The following ARV1 variants were observed in gnomAD, a reference collection of about 807,000 sequenced individuals.
The protein encoded by ARV1 is ARV1 fatty acid homeostasis modulator.
Under a neutral mutation model 31.1 loss-of-function variants are expected in ARV1, and 26 were observed. The ratio of observed to expected loss-of-function variants is 0.84; its 90% confidence interval spans 0.61 to 1.16. ARV1 has a LOEUF of 1.16. Ranked by LOEUF, ARV1 falls within the 50% of genes most tolerant of loss-of-function variation. The pLI is 0.00. For synonymous variants in ARV1, 117 were observed against 123.2 expected (o/e 0.95, Z 0.34); for missense variants, 281 against 324.9 (o/e 0.86, Z 1.04).
At chr1:230,984,343 C>CGTGTGTGT (rs374689782) in intron 1 of ARV1, among the ~76,000 whole-genome samples, 15,494 of 118,630 alleles carry the variant, frequency 0.13, 1,137 homozygotes, top group Non-Finnish European at 0.17. Flanking sequence ...TTGTTTGTTT[C>CGTGTGTGT]GTGTGTGTGT....
Position 230,988,358 on chromosome 1 carries a change from T to C in ARV1, c.213T>C (p.Tyr71=). 6.3e-7 allele frequency: 1 copy of C among 1,595,958 alleles called. No homozygotes were observed. The highest frequency in any genetic ancestry group is 8.6e-7 in the Non-Finnish European group (1 of 1,165,502). Residue 71 remains tyrosine (Y), a synonymous_variant, in exon 2 of 6, where the codon TAT becomes TAC. Coordinates refer to ENST00000310256, the MANE Select transcript of ARV1 (RefSeq NM_022786.3). ...CQKPVDKYIE[Y]DPVIILINAI... is the part of the protein sequence containing the mutation. The stretch of plus-strand genomic sequence containing the variant: ...AACCTGTAGACAAATATATCGAGTA[T>C]GATCCTGTTATCATCTTGATTAATG...
intron 1 of ARV1, among the ~76,000 whole-genome samples, chr1:230,984,359 T>TGTGTGTGTGTGTGCGCGC (rs71179756): frequency 4.9e-4 from 46 of 93,450 alleles, no homozygotes; most frequent in African/African-American, 1.9e-3. Context: ...TGTGTGTGTG[T>TGTGTGTGTGTGTGCGCGC]GTGCGTGTGT....
chr1:230,992,633 A>G (rs1379336620), intron 3 of ARV1, among the ~76,000 whole-genome samples: 1 of 152,238 alleles, frequency 6.6e-6, no homozygotes, highest in Non-Finnish European at 1.5e-5. Context: ...TGCTCAGCTG[A>G]TTGAATGAAT....
chr1:230,984,359 T>TGTGTGTGTGCGCGC (rs71179756), intron 1 of ARV1, among the ~76,000 whole-genome samples: 15 of 93,450 alleles, frequency 1.6e-4, no homozygotes, highest in African/African-American at 6.9e-4. Flanking sequence ...TGTGTGTGTG[T>TGTGTGTGTGCGCGC]GTGCGTGTGT....
rs535587438 is a variant in ARV1 at position 230,979,145 on chromosome 1, G to A, written c.40G>A (p.Gly14Arg). The change falls in exon 1 of 6, where the codon GGG becomes AGG. Residue 14 changes from glycine to arginine, a missense_variant. By Grantham distance (125) the Gly-to-Arg change is moderately radical (BLOSUM62 -2). Coordinates refer to ENST00000310256, the MANE Select transcript of ARV1 (RefSeq NM_022786.3). ...GCGGAGCGGCCTGCAGCAGGGGAAG[G>A]GGAACGTGGATGGGGTGGCAGCGAC... ...GGRSGLQQGK[G>R]NVDGVAATPT... 7 of 1,611,850 alleles carry A rather than the reference G, an allele frequency of 4.3e-6. No individual in the cohort carries two copies. The South Asian group carries it at 4.4e-5, about 10-fold the overall frequency.
chr1:230,995,904 T>C lies in ARV1; in HGVS notation c.593T>C (p.Ile198Thr). Residue 198 changes from isoleucine to threonine, a missense_variant, in exon 4 of 6, where the codon ATT becomes ACT. Transcript: ENST00000310256. ...YGKLLLIPAV[I>T]WEHDYTSVCL... ...AAACTCTTGCTGATTCCAGCTGTCA[T>C]TTGGGAACATGACTACACATCTGTG... 2 of 1,614,186 alleles carry C rather than the reference T, an allele frequency of 1.2e-6. No homozygotes were observed. The highest frequency in any genetic ancestry group is 1.7e-6 in the Non-Finnish European group (2 of 1,180,030).
chr1:230,991,850 G>A (rs1340943751), intron 3 of ARV1, among the ~76,000 whole-genome samples: 1 of 151,856 alleles, frequency 6.6e-6, no homozygotes, highest in Non-Finnish European at 1.5e-5. Context: ...GGCTGGTCTC[G>A]AACTTCTGAC....
At chr1:230,984,239 A>G (rs556757520) in intron 1 of ARV1, among the ~76,000 whole-genome samples, 1 of 152,322 alleles carries the variant, frequency 6.6e-6, no homozygotes, top group South Asian at 2.1e-4. Flanking sequence ...CGACAGAGTG[A>G]GACCTTGTCT....
intron 1 of ARV1, among the ~76,000 whole-genome samples, chr1:230,983,725 A>G (rs990310224): frequency 1.3e-5 from 2 of 152,202 alleles, no homozygotes; most frequent in African/African-American, 2.4e-5. Context: ...TTTATATTCT[A>G]AAAGAGATCT....
rs878997376 is a variant in ARV1, at chr1:231,000,616, C to G, written c.*483C>G. On this transcript the variant is annotated 3_prime_UTR_variant, in exon 6 of 6. Transcript: ENST00000310256. ...ACCAAGTTTTTGTAAATTTTCAATT[C>G]AATAATTAAGGTAATCTTTAAAATT... 5 of 152,046 alleles carry G rather than the reference C, an allele frequency of 3.3e-5. No homozygotes were observed. In the East Asian group the frequency reaches 9.6e-4, roughly 29 times the overall value. The allele number at this position is 152,046 out of a possible 1,614,324, so 9.4% of individuals were successfully genotyped here.
In ARV1 at chr1:230,979,462, G is replaced by GGGGCATATTT. The variant is rs2103036729; in HGVS notation, c.174+187_174+196dup. The GGGGCATATTT allele has an allele frequency of 7.3e-6, 5 of 684,112 alleles. No individual in the cohort carries two copies. The South Asian group carries it at 1.1e-4, about 15-fold the overall frequency. 42.4% of individuals were successfully genotyped at this position (684,112 alleles called of 1,614,324 possible). On this transcript the variant is annotated intron_variant, in intron 1 of 5. Coordinates refer to ENST00000310256, the MANE Select transcript of ARV1 (RefSeq NM_022786.3). The stretch of plus-strand genomic sequence containing the variant: ...TACCCGACAGCGCTTTTCTCATACT[G>GGGGCATATTT]GGGCATATTTGGGTGATATGACCTA...
Position 230,999,383 on chromosome 1 carries a change from G to C in ARV1, c.*5-755G>C, listed in dbSNP as rs564169765. On this transcript the variant is annotated intron_variant, in intron 5 of 5. Coordinates refer to ENST00000310256, the MANE Select transcript of ARV1 (RefSeq NM_022786.3). ...AAACCAGCCTGCAACCCATACTGCT[G>C]CCATGTAAGTCTTCATGGAGCACCA... Among the ~76,000 whole-genome samples, 10 of 152,320 alleles carry C rather than the reference G, an allele frequency of 6.6e-5. No homozygotes were observed. The South Asian group carries it at 2.1e-3, about 32-fold the overall frequency.
intron 3 of ARV1, among the ~76,000 whole-genome samples, chr1:230,991,870 C>T (rs1391762981): frequency 6.6e-6 from 1 of 152,062 alleles, no homozygotes; most frequent in African/African-American, 2.4e-5. Flanking sequence ...CCTCGTGATC[C>T]GTCCGCCTCT....
intron 1 of ARV1, among the ~76,000 whole-genome samples, chr1:230,984,363 C>CGCGTGTGT (rs1191353620): frequency 1.3e-4 from 17 of 129,762 alleles, no homozygotes; most frequent in South Asian, 2.7e-4. Context: ...TGTGTGTGTG[C>CGCGTGTGT]GTGTGTGTGT....
Position 230,981,913 on chromosome 1 carries a change from G to A in ARV1, c.174+2634G>A, listed in dbSNP as rs115842421. Among the ~76,000 whole-genome samples the A allele has an allele frequency of 6.6e-3, 1,011 of 152,280 alleles. 9 individuals are homozygous for A. Among genetic ancestry groups the A allele is most frequent in the African/African-American group, 0.023 (958 of 41,548 alleles). ...GAGCACTCTTCTATCAGGTATCTGC[G>A]TGACTAATTCCCTTACCTCCTTCAA... On this transcript the variant is annotated intron_variant, in intron 1 of 5. Coordinates refer to ENST00000310256, the MANE Select transcript of ARV1 (RefSeq NM_022786.3).
At chr1:230,993,151 C>T (rs1679270914) in intron 3 of ARV1, among the ~76,000 whole-genome samples, 1 of 152,066 alleles carries the variant, frequency 6.6e-6, no homozygotes, top group Non-Finnish European at 1.5e-5. Flanking sequence ...GGTGCAGTGG[C>T]ACAGTCATAG....
intron 1 of ARV1, among the ~76,000 whole-genome samples, chr1:230,986,775 G>A (rs1407650299): frequency 7.5e-6 from 1 of 133,036 alleles, no homozygotes; most frequent in Admixed American, 9.4e-5. Context: ...GGCTTCAAGC[G>A]ATCCTCTCAC....
chr1:230,979,247 T>C lies in ARV1; in HGVS notation c.142T>C (p.Tyr48His). The change falls in exon 1 of 6, where the codon TAT (tyrosine) becomes CAT (histidine). Residue 48 changes from tyrosine (Y) to histidine (H), a missense_variant. Transcript: ENST00000310256. The stretch of plus-strand genomic sequence containing the variant: ...GGAGGCCAAAGAGTTGTACCGAGAC[T>C]ATAACCACGGTGTGCTGAAGATAAC... ...NQEAKELYRD[Y>H]NHGVLKITIC... is the part of the protein sequence containing the mutation. 1.2e-6 allele frequency: 2 copies of C among 1,613,288 alleles called. No individual in the cohort carries two copies. Among genetic ancestry groups the C allele is most frequent in the Non-Finnish European group, 1.7e-6 (2 of 1,179,638 alleles).
chr1:230,986,010 G>A (rs1425302697), intron 1 of ARV1, among the ~76,000 whole-genome samples: 1 of 151,720 alleles, frequency 6.6e-6, no homozygotes, highest in East Asian at 1.9e-4. Flanking sequence ...TCCGCCTCCT[G>A]GGTTCACGCC....
Sources: gnomAD v4.1 joint callset for allele counts (sites outside exome capture counted in the v4.1 genomes callset) on GRCh38, gnomAD v4.1.1 for gene constraint, MANE v1.5 for transcripts, NCBI Gene and HGNC (gene_info 2026-07-23, HGNC 2026-07-21) for gene names.